ZNF335: variants seen among roughly 807,000 people sequenced by gnomAD.
ZNF335 encodes NRC-interacting factor 1.
In ZNF335, 84 loss-of-function variants were observed where a neutral mutation model predicts 145.6. That is an observed-to-expected ratio of 0.58 (90% CI 0.48 to 0.69). The LOEUF is 0.69. Among genes scored for constraint, ZNF335 ranks in the 30% least tolerant of loss-of-function variants. The pLI is 0.00. For missense variants in ZNF335, 1,865 were observed against 1,809.7 expected, an observed-to-expected ratio of 1.03 and a Z score of -0.55; for synonymous variants, 761 against 717.0, an observed-to-expected ratio of 1.06 and a Z score of -0.98.
At position 45,953,918 on chromosome 20, in the gene ZNF335, C is replaced by T. The variant is rs1231261488; in HGVS notation, c.2473G>A (p.Ala825Thr). 1 of 1,606,060 alleles carries T rather than the reference C, an allele frequency of 6.2e-7. No homozygotes were observed. ...TGCCCACCAGGGGATGCTAACCCTG[C>T]TTCCACATCTTCCGACTTCACCACA... Reference protein sequence around the residue: ...VAVVKSEDVEAGLASPGGQPS... With the variant: ...VAVVKSEDVETGLASPGGQPS... The change falls in exon 18 of 28, where the codon GCA becomes ACA. Residue 825 changes from alanine to threonine, a missense_variant. By Grantham distance (58) the Ala-to-Thr change is moderately conservative (BLOSUM62 0). Coordinates refer to ENST00000322927, the MANE Select transcript of ZNF335 (RefSeq NM_022095.4).
chr20:45,949,586 G>T lies in ZNF335; in HGVS notation c.3670-18C>A. 6.3e-7 allele frequency: 1 copy of T among 1,599,306 alleles called. No homozygotes were observed. Among genetic ancestry groups the T allele is most frequent in the South Asian group, 1.1e-5 (1 of 89,514 alleles). On this transcript the variant is annotated intron_variant, in intron 24 of 27. Coordinates refer to ENST00000322927, the MANE Select transcript of ZNF335 (RefSeq NM_022095.4). ...TACTGCACCTGTTGGTGGGGGGGGC[G>T]GGCATGGCGAGGCAGGTGCTGAGGC...
In ZNF335 at chr20:45,960,439, G is replaced by A. The variant is rs778950743; in HGVS notation, c.1859+10C>T. The A allele has an allele frequency of 2.5e-6, 4 of 1,614,210 alleles. No individual in the cohort carries two copies. Among genetic ancestry groups the A allele is most frequent in the Middle Eastern group, 1.7e-4 (1 of 6,058 alleles). On this transcript the variant is annotated intron_variant, in intron 13 of 27. Coordinates refer to ENST00000322927, the MANE Select transcript of ZNF335 (RefSeq NM_022095.4). ...TGCTCCCGTCCCCAGGGGCCTCCAA[G>A]GGGATGTACCTGCGGTTGGCAACAG...
intron 9 of ZNF335, among the ~76,000 whole-genome samples, chr20:45,962,801 G>A (rs1425363218): frequency 1.1e-5 from 1 of 93,554 alleles, no homozygotes; most frequent in African/African-American, 4.8e-5. Context: ...AAAAGGAACC[G>A]TTTTTTTTTT....
In ZNF335 at chr20:45,953,605, A is replaced by G. The variant is rs3746505; in HGVS notation, c.2702+84T>C. 26,878 of 1,562,310 alleles carry G rather than the reference A, an allele frequency of 0.017. 3,424 individuals carry two copies. In the Admixed American group the frequency reaches 0.24, roughly 14 times the overall value. On this transcript the variant is annotated intron_variant, in intron 18 of 27. Transcript: ENST00000322927. ...GTATTGGGATTTTTGCCTCCTGCCA[A>G]CTAGGCTTGGGTGGGGCCCAAATCG...
At chr20:45,957,791 G>A in intron 16 of ZNF335, 44 bp downstream of exon 16, 1 of 1,610,026 alleles carries the variant, frequency 6.2e-7, no homozygotes, top group Non-Finnish European at 8.5e-7. Flanking sequence ...GCCCAACTCA[G>A]AGGTCCTACC....
chr20:45,962,271 T>A lies in ZNF335; in HGVS notation c.1534-89A>T, dbSNP rs1305480930. ...CATGCCTGTGGCCACAGTCTTAGGG[T>A]TGCTGCGGGAGCAGCTCACAGAACA... On this transcript the variant is annotated intron_variant, in intron 9 of 27. Transcript: ENST00000322927. 4.8e-6 allele frequency: 5 copies of A among 1,032,110 alleles called. No individual in the cohort carries two copies. The East Asian group carries it at 1.2e-4, about 25-fold the overall frequency. 63.9% of individuals were successfully genotyped at this position (1,032,110 alleles called of 1,614,324 possible). A position where few individuals can be genotyped will look rare whatever the true frequency, so the allele number is the denominator to read the frequency against.
At chr20:45,969,757 G>C (rs1245649488) in intron 2 of ZNF335, 66 bp from the exon 3 acceptor site, 1 of 1,566,438 alleles carries the variant, frequency 6.4e-7, no homozygotes, top group Admixed American at 1.7e-5. Context: ...CAGCCTGCCA[G>C]CTCCCACTTG....
At chr20:45,964,688 G>A (rs1168075117) in intron 7 of ZNF335, among the ~76,000 whole-genome samples, 2 of 152,190 alleles carry the variant, frequency 1.3e-5, no homozygotes, top group Non-Finnish European at 2.9e-5. Context: ...CAGAATATGT[G>A]TAACTTTCCA....
chr20:45,959,551 G>T, intron 14 of ZNF335, 118 bp from the exon 15 acceptor site: 1 of 731,450 alleles, frequency 1.4e-6, no homozygotes, highest in Non-Finnish European at 2.0e-6. Context: ...ATTCATTCCC[G>T]TATGTAGGCA....
chr20:45,960,415 G>A (rs758408207), intron 13 of ZNF335, 34 bp downstream of exon 13: 4 of 1,614,184 alleles, frequency 2.5e-6, no homozygotes, highest in Non-Finnish European at 3.4e-6. Context: ...GCTGGGGACT[G>A]CTCCCGTCCC....
chr20:45,965,030 A>AAATAATAAT (rs11472570), intron 7 of ZNF335, among the ~76,000 whole-genome samples: 3,601 of 141,314 alleles, frequency 0.025, 72 homozygotes, highest in East Asian at 0.064. Context: ...CTCTGTCTCA[A>AAATAATAAT]AATAATAATA....
At chr20:45,968,213 G>GT in intron 4 of ZNF335, 72 bp downstream of exon 4, 1 of 1,551,118 alleles carries the variant, frequency 6.4e-7, no homozygotes, top group Non-Finnish European at 8.9e-7. Flanking sequence ...GACGGAATCC[G>GT]CGGCAGAACC....
At chr20:45,967,341 C>G in intron 6 of ZNF335, 153 bp downstream of exon 6, 2 of 1,186,624 alleles carry the variant, frequency 1.7e-6, no homozygotes, top group Non-Finnish European at 2.4e-6. Flanking sequence ...CACAGAAGTC[C>G]TGGTCCCAGA....
intron 9 of ZNF335, 34 bp downstream of exon 9, chr20:45,963,439 T>A: frequency 6.3e-7 from 1 of 1,587,582 alleles, no homozygotes; most frequent in Non-Finnish European, 8.6e-7. Flanking sequence ...TTCTTCACCC[T>A]CCCATGAGCC....
chr20:45,969,769 T>C, intron 2 of ZNF335, 78 bp from the exon 3 acceptor site: 7 of 1,553,892 alleles, frequency 4.5e-6, no homozygotes, highest in Non-Finnish European at 6.1e-6. Context: ...TCCCACTTGC[T>C]AGACAGAGCT....
In ZNF335 at chr20:45,965,733, G is replaced by A. The variant is rs773031524; in HGVS notation, c.997C>T (p.Arg333Trp). Residue 333 changes from arginine to tryptophan, a missense_variant, in exon 7 of 28, where the codon CGG becomes TGG. Arg to Trp is a moderately radical substitution (Grantham distance 101). Coordinates refer to ENST00000322927, the MANE Select transcript of ZNF335 (RefSeq NM_022095.4). ...YNPAEDEPRG[R>W]QLRLQRPTPS... ...GTGGGGCGCTGGAGCCGAAGCTGCCGGCCTCGGGGCTCATCCTCAGCTGGA... is the reference window on the plus strand; with the variant it reads ...GTGGGGCGCTGGAGCCGAAGCTGCCAGCCTCGGGGCTCATCCTCAGCTGGA... 1.4e-5 allele frequency: 22 copies of A among 1,605,958 alleles called. No homozygotes were observed. Among genetic ancestry groups the A allele is most frequent in the South Asian group, 8.8e-5 (8 of 90,784 alleles).
chr20:45,965,773 C>T lies in ZNF335; in HGVS notation c.957G>A (p.Glu319=), dbSNP rs2083941470. ...VDAGAIDDLE[E]DSDYNPAEDE... ...CCTCAGCTGGATTATAGTCGCTATC[C>T]TCTGTGGGGGACAGTAAAGTTGGTG... The change falls in exon 7 of 28, where the codon GAG becomes GAA. Residue 319 remains glutamate, a splice_region_variant and synonymous_variant. Coordinates refer to ENST00000322927, the MANE Select transcript of ZNF335 (RefSeq NM_022095.4). The T allele has an allele frequency of 3.1e-6, 5 of 1,602,116 alleles. No homozygotes were observed. The highest frequency in any genetic ancestry group is 4.3e-6 in the Non-Finnish European group (5 of 1,174,570).
Position 45,964,007 on chromosome 20 carries a change from A to T in ZNF335, c.1103-17T>A, listed in dbSNP as rs2083904089. 15 of 1,513,374 alleles carry T rather than the reference A, an allele frequency of 9.9e-6. No individual in the cohort carries two copies. The highest frequency in any genetic ancestry group is 1.3e-5 in the Non-Finnish European group (15 of 1,133,472). The allele number at this position is 1,513,374 out of a possible 1,614,324, so 93.7% of individuals were successfully genotyped here. A position where few individuals can be genotyped will look rare whatever the true frequency, so the allele number is the denominator to read the frequency against. On this transcript the variant is annotated splice_polypyrimidine_tract_variant and intron_variant, in intron 7 of 27. Coordinates refer to ENST00000322927, the MANE Select transcript of ZNF335 (RefSeq NM_022095.4). ...CTTCCACACCTGCCACGGACATGCCAGGTCACAAGCCAGCCACTGACACAC... is the reference window on the plus strand; with the variant it reads ...CTTCCACACCTGCCACGGACATGCCTGGTCACAAGCCAGCCACTGACACAC...
rs534464867 is a variant in ZNF335, at chr20:45,968,631, C to T, written c.443-269G>A. ...CTACACCAGCTGCCCAGGCTTTGAC[C>T]ACCAAACCTGGGAAGTCCTCCTTCC... is the stretch of plus-strand genomic sequence containing the variant. On this transcript the variant is annotated intron_variant, in intron 3 of 27. Transcript: ENST00000322927. The T allele has an allele frequency of 1.3e-4, 56 of 419,956 alleles. 1 individual carries two copies. The highest frequency in any genetic ancestry group is 1.1e-3 in the African/African-American group (54 of 51,396). 26.0% of individuals were successfully genotyped at this position (419,956 alleles called of 1,614,324 possible).
Sources: gnomAD v4.1 joint callset for allele counts (sites outside exome capture counted in the v4.1 genomes callset) on GRCh38, gnomAD v4.1.1 for gene constraint, MANE v1.5 for transcripts, NCBI Gene and HGNC (gene_info 2026-07-23, HGNC 2026-07-21) for gene names.